Variants in MACROD2 observed in about 807,000 individuals in gnomAD.
MACROD2 encodes ADP-ribose glycohydrolase MACROD2.
MACROD2 carries 36 observed loss-of-function variants against 70.4 expected under a neutral mutation model. That is an observed-to-expected ratio of 0.51 (90% CI 0.39 to 0.68). The LOEUF is 0.68. Among genes scored for constraint, MACROD2 ranks in the 30% least tolerant of loss-of-function variants. The probability of loss-of-function intolerance (pLI) is 0.00; values close to 1 mark genes in which losing one functional copy is unlikely to be tolerated. For synonymous variants in MACROD2, 172 were observed against 178.8 expected (o/e 0.96, Z 0.30); for missense variants, 496 against 538.4 (o/e 0.92, Z 0.78).
chr20:15,829,398 T>G (rs550017921), intron 8 of MACROD2, among the ~76,000 whole-genome samples: 24 of 152,312 alleles, frequency 1.6e-4, no homozygotes, highest in African/African-American at 5.8e-4. Context: ...AGTTACAAAC[T>G]AAGTAGAATC....
intron 5 of MACROD2, among the ~76,000 whole-genome samples, chr20:14,991,299 A>AT (rs997899260): frequency 1.3e-3 from 191 of 150,194 alleles, no homozygotes; most frequent in Admixed American, 3.1e-3. Flanking sequence ...ACTTTGCATC[A>AT]TTTTTTTTTT....
intron 5 of MACROD2, among the ~76,000 whole-genome samples, chr20:14,766,228 G>GT (rs1318067923): frequency 1.3e-5 from 2 of 152,172 alleles, no homozygotes; most frequent in East Asian, 3.9e-4. Flanking sequence ...GGCTTACACT[G>GT]TTAGCCAATG....
chr20:16,013,016 C>G (rs1269723052), intron 15 of MACROD2, among the ~76,000 whole-genome samples: 1 of 152,128 alleles, frequency 6.6e-6, no homozygotes, highest in Non-Finnish European at 1.5e-5. Context: ...CCCATCTCTA[C>G]TAAAAATACA....
chr20:14,845,571 C>G (rs2073131185), intron 5 of MACROD2, among the ~76,000 whole-genome samples: 1 of 152,024 alleles, frequency 6.6e-6, no homozygotes, highest in Non-Finnish European at 1.5e-5. Context: ...AAATCTCCAG[C>G]AAACCCAATT....
At chr20:15,700,739 A>G (rs1188419645) in intron 8 of MACROD2, among the ~76,000 whole-genome samples, 2 of 152,236 alleles carry the variant, frequency 1.3e-5, no homozygotes, top group East Asian at 1.9e-4. Context: ...CCTGCAAGCC[A>G]TGGCCTGCTT....
chr20:15,537,569 G>C (rs974257603), intron 8 of MACROD2, among the ~76,000 whole-genome samples: 1 of 149,300 alleles, frequency 6.7e-6, no homozygotes, highest in Non-Finnish European at 1.5e-5. Context: ...CACCTCCCAG[G>C]TTCAAGCAAT....
intron 8 of MACROD2, among the ~76,000 whole-genome samples, chr20:15,699,272 C>T (rs2050420788): frequency 6.6e-6 from 1 of 152,108 alleles, no homozygotes; most frequent in South Asian, 2.1e-4. Context: ...TGGGGTGTTC[C>T]CTTGATGTAG....
At chr20:14,277,619 TGGA>T (rs2082270937) in intron 3 of MACROD2, among the ~76,000 whole-genome samples, 1 of 152,146 alleles carries the variant, frequency 6.6e-6, no homozygotes, top group South Asian at 2.1e-4. Context: ...AAAAGGGTGG[TGGA>T]GACCATTGTT....
chr20:15,663,954 G>T (rs568940509), intron 8 of MACROD2, among the ~76,000 whole-genome samples: 96 of 152,312 alleles, frequency 6.3e-4, no homozygotes, highest in African/African-American at 2.3e-3. Flanking sequence ...AGCTCCACAG[G>T]TGTCCTTGTC....
chr20:14,437,355 G>A (rs1163597559), intron 3 of MACROD2, among the ~76,000 whole-genome samples: 1 of 152,114 alleles, frequency 6.6e-6, no homozygotes, highest in Non-Finnish European at 1.5e-5. Context: ...AGCACTTTGA[G>A]AAGCTGAGGC....
intron 8 of MACROD2, among the ~76,000 whole-genome samples, chr20:15,853,784 T>TAGA (rs1345523916): frequency 6.6e-6 from 1 of 152,174 alleles, no homozygotes; most frequent in Non-Finnish European, 1.5e-5. Flanking sequence ...ACACCCTGAA[T>TAGA]AGACAGAACC....
rs1311477013 is a variant in MACROD2 at position 15,102,503 on chromosome 20, A to C, written c.419-127437A>C. On this transcript the variant is annotated intron_variant, in intron 5 of 17. Coordinates refer to ENST00000684519, the MANE Select transcript of MACROD2 (RefSeq NM_001351661.2). ...CATAATCTTGCAACTTTGGGACCTG[A>C]CATATTAGTTAGTCATGAAATCAAT... Among the ~76,000 whole-genome samples, 4 of 152,018 alleles carry C rather than the reference A, an allele frequency of 2.6e-5. No homozygotes were observed. In the East Asian group the frequency reaches 7.7e-4, roughly 29 times the overall value.
chr20:14,200,209 AT>A (rs112583790), intron 3 of MACROD2, among the ~76,000 whole-genome samples: 21 of 152,324 alleles, frequency 1.4e-4, no homozygotes, highest in African/African-American at 5.1e-4. Context: ...AATAAACAAC[AT>A]GATCATGTCC....
At chr20:14,737,061 C>T (rs960005976) in intron 5 of MACROD2, among the ~76,000 whole-genome samples, 2 of 152,012 alleles carry the variant, frequency 1.3e-5, no homozygotes, top group African/African-American at 2.4e-5. Flanking sequence ...CCCATCAACC[C>T]GTCACCTACA....
At chr20:15,096,693 G>C (rs776459831) in intron 5 of MACROD2, among the ~76,000 whole-genome samples, 8 of 151,210 alleles carry the variant, frequency 5.3e-5, no homozygotes, top group Non-Finnish European at 1.2e-4. Flanking sequence ...TATATTTTTA[G>C]TAGAAACAAG....
At chr20:14,295,002 T>G (rs953278523) in intron 3 of MACROD2, among the ~76,000 whole-genome samples, 1 of 151,616 alleles carries the variant, frequency 6.6e-6, no homozygotes, top group African/African-American at 2.4e-5. Context: ...TGACTCATCA[T>G]CCAACTTAGT....
intron 5 of MACROD2, among the ~76,000 whole-genome samples, chr20:15,040,330 A>T (rs2075346230): frequency 6.6e-6 from 1 of 151,448 alleles, no homozygotes; most frequent in South Asian, 2.1e-4. Flanking sequence ...AAAAAAAAAA[A>T]AAGTACCTTA....
chr20:14,398,998 A>G (rs1031803372), intron 3 of MACROD2, among the ~76,000 whole-genome samples: 11 of 151,866 alleles, frequency 7.2e-5, no homozygotes, highest in African/African-American at 1.5e-4. Flanking sequence ...TATATCTAAA[A>G]AAGTTTTTAT....
At chr20:14,136,520 G>A (rs2054799881) in intron 3 of MACROD2, among the ~76,000 whole-genome samples, 1 of 152,118 alleles carries the variant, frequency 6.6e-6, no homozygotes, top group Non-Finnish European at 1.5e-5. Context: ...AACTGTTAAT[G>A]TAAGGCAGCG....
Sources: allele counts gnomAD v4.1 joint callset (sites outside exome capture counted in the v4.1 genomes callset), GRCh38; gene constraint gnomAD v4.1.1; transcripts MANE v1.5; gene names NCBI Gene and HGNC (gene_info 2026-07-23, HGNC 2026-07-21).